RARB: variants seen among roughly 807,000 people sequenced by gnomAD.
RARB encodes HBV-activated protein.
RARB carries 17 observed loss-of-function variants against 51.9 expected under a neutral mutation model. That is an observed-to-expected ratio of 0.33 (90% CI 0.22 to 0.49). The LOEUF is 0.49. Ranked by LOEUF, RARB falls within the 20% of genes least tolerant of loss-of-function variation. The pLI, the probability that RARB is intolerant of heterozygous loss-of-function variation, is 0.99. For missense variants in RARB, 369 were observed against 550.8 expected, an observed-to-expected ratio of 0.67 and a Z score of 3.30; for synonymous variants, 215 against 195.4, an observed-to-expected ratio of 1.10 and a Z score of -0.84.
chr3:25,205,223 C>G (rs1308008495), intron 5 of RARB, among the ~76,000 whole-genome samples: 1 of 152,168 alleles, frequency 6.6e-6, no homozygotes, highest in Non-Finnish European at 1.5e-5. Context: ...ACCCTCTGAG[C>G]CAGGCGCGGG....
intron 5 of RARB, among the ~76,000 whole-genome samples, chr3:25,390,819 G>C (rs929347484): frequency 6.6e-6 from 1 of 152,082 alleles, no homozygotes; most frequent in Non-Finnish European, 1.5e-5. Context: ...TAGATGCCCA[G>C]AACCCTCCTA....
intron 5 of RARB, among the ~76,000 whole-genome samples, chr3:25,330,392 G>T (rs2125444615): frequency 6.6e-6 from 1 of 152,272 alleles, no homozygotes; most frequent in Middle Eastern, 3.4e-3. Context: ...TTTCAACCCA[G>T]AATTTCATAT....
chr3:25,327,517 A>G (rs568266800), intron 5 of RARB, among the ~76,000 whole-genome samples: 5 of 152,332 alleles, frequency 3.3e-5, no homozygotes, highest in East Asian at 1.9e-4. Flanking sequence ...CTAGAATTCT[A>G]TACCTGCCAA....
chr3:25,369,331 G>T (rs988644415), intron 5 of RARB, among the ~76,000 whole-genome samples: 3 of 152,092 alleles, frequency 2.0e-5, no homozygotes, highest in Admixed American at 6.6e-5. Flanking sequence ...AGAGAGAAAC[G>T]GTCATCCATT....
chr3:25,395,734 T>C (rs1286681959), intron 5 of RARB, among the ~76,000 whole-genome samples: 2 of 152,206 alleles, frequency 1.3e-5, no homozygotes, highest in African/African-American at 4.8e-5. Context: ...ATGCTATCTA[T>C]TTCTCTGGAG....
At chr3:25,105,414 T>C (rs2125322947) in intron 3 of RARB, among the ~76,000 whole-genome samples, 1 of 131,626 alleles carries the variant, frequency 7.6e-6, no homozygotes, top group East Asian at 2.1e-4. Flanking sequence ...GTTTAGTGTA[T>C]ACATGTGCAA....
At chr3:25,330,833 T>C (rs1315791151) in intron 5 of RARB, among the ~76,000 whole-genome samples, 1 of 151,392 alleles carries the variant, frequency 6.6e-6, no homozygotes, top group Non-Finnish European at 1.5e-5. Flanking sequence ...ACCAAGCAAA[T>C]GGAAAATAAA....
At chr3:25,041,869 G>A (rs999525754) in intron 2 of RARB, among the ~76,000 whole-genome samples, 2 of 152,102 alleles carry the variant, frequency 1.3e-5, no homozygotes, top group African/African-American at 2.4e-5. Flanking sequence ...AAATTTAAGT[G>A]GAGGTGGTAA....
At chr3:24,914,826 C>T (rs753273528) in intron 2 of RARB, among the ~76,000 whole-genome samples, 10 of 152,136 alleles carry the variant, frequency 6.6e-5, no homozygotes, top group Non-Finnish European at 8.8e-5. Flanking sequence ...GTACAATGCC[C>T]GAAATGATGT....
chr3:25,378,949 A>T (rs562391010), intron 5 of RARB, among the ~76,000 whole-genome samples: 32 of 152,368 alleles, frequency 2.1e-4, no homozygotes, highest in Admixed American at 5.9e-4. Flanking sequence ...ATTACAGTGA[A>T]TGTAGAATAT....
intron 3 of RARB, among the ~76,000 whole-genome samples, chr3:25,110,178 CT>C (rs1699577438): frequency 6.6e-6 from 1 of 152,200 alleles, no homozygotes; most frequent in Non-Finnish European, 1.5e-5. Flanking sequence ...AATTGCAATA[CT>C]CATAAATTGA....
At chr3:25,120,141 T>G (rs1045187550) in intron 3 of RARB, among the ~76,000 whole-genome samples, 2 of 152,106 alleles carry the variant, frequency 1.3e-5, no homozygotes, top group Non-Finnish European at 2.9e-5. Context: ...CCAGGAATTC[T>G]TAATACTATA....
chr3:25,141,646 TCA>T (rs1362566362), intron 4 of RARB, among the ~76,000 whole-genome samples: 2 of 152,226 alleles, frequency 1.3e-5, no homozygotes, highest in African/African-American at 2.4e-5. Flanking sequence ...TCTAGATATT[TCA>T]CAGTTTAGTT....
rs921265665 is a variant in RARB at position 25,020,968 on chromosome 3, A to AAAAT, written c.-379-39139_-379-39136dup. On this transcript the variant is annotated intron_variant, in intron 2 of 11. Transcript: ENST00000383772. ...TGGCAACGGAGTGAAACACCGTCTC[A>AAAAT]AAATAAATAAATAAATAAATATTTT... Among the ~76,000 whole-genome samples the AAAAT allele has an allele frequency of 1.9e-4, 29 of 152,254 alleles. No homozygotes were observed. In the East Asian group the frequency reaches 5.0e-3, roughly 26 times the overall value.
At position 25,450,213 on chromosome 3, in the gene RARB, G is replaced by C. The variant is rs549369422; in HGVS notation, c.158-10980G>C. The stretch of plus-strand genomic sequence containing the variant: ...TTGACTAGACTCTGGAGATGGTTCT[G>C]TTGTTTTCTGTGGTGACCATATTAG... On this transcript the variant is annotated intron_variant, in intron 1 of 7. Transcript: ENST00000330688. 8.5e-5 allele frequency among the ~76,000 whole-genome samples: 13 copies of C among 152,312 alleles called. No individual in the cohort carries two copies. In the South Asian group the frequency reaches 2.1e-3, roughly 24 times the overall value.
At chr3:25,157,468 A>G (rs1575186600) in intron 4 of RARB, among the ~76,000 whole-genome samples, 2 of 151,832 alleles carry the variant, frequency 1.3e-5, no homozygotes, top group South Asian at 2.1e-4. Context: ...CAGTAGTGCA[A>G]TCTCAGCTCA....
intron 2 of RARB, among the ~76,000 whole-genome samples, chr3:25,027,363 T>C (rs1385350561): frequency 1.3e-5 from 2 of 152,104 alleles, no homozygotes; most frequent in Non-Finnish European, 2.9e-5. Flanking sequence ...GGCTGGGCAA[T>C]ATGGGCAAGA....
At chr3:24,962,812 T>C (rs1030934385) in intron 2 of RARB, among the ~76,000 whole-genome samples, 3 of 152,218 alleles carry the variant, frequency 2.0e-5, no homozygotes, top group African/African-American at 7.2e-5. Flanking sequence ...AAATGAGTAC[T>C]ATCATGTGTC....
chr3:25,335,271 ATG>A (rs555254095), intron 5 of RARB, among the ~76,000 whole-genome samples: 9,211 of 116,292 alleles, frequency 0.079, 297 homozygotes, highest in African/African-American at 0.12. Context: ...TATGTCTCTC[ATG>A]ATGACACACA....
Sources: allele counts gnomAD v4.1 joint callset (sites outside exome capture counted in the v4.1 genomes callset), GRCh38; gene constraint gnomAD v4.1.1; transcripts MANE v1.5; gene names NCBI Gene and HGNC (gene_info 2026-07-23, HGNC 2026-07-21).